SANBR: variants seen among roughly 807,000 people sequenced by gnomAD.
SANBR encodes the protein SANT and BTB domain regulator of CSR, also known as SANT and BTB domain regulator of class switch recombination.
In SANBR, 77 loss-of-function variants were observed where a neutral mutation model predicts 101.8. The observed-to-expected ratio is 0.76, with a 90% CI of 0.63 to 0.91. The LOEUF (loss-of-function observed/expected upper bound fraction) is 0.91, where lower values mean the gene tolerates loss of function less well. Ranked by LOEUF, SANBR falls within the 40% of genes least tolerant of loss-of-function variation. The pLI is 0.00. For missense variants in SANBR, 875 were observed against 853.0 expected (o/e 1.03, Z -0.32); for synonymous variants, 279 against 274.7 (o/e 1.02, Z -0.15).
intron 12 of SANBR, among the ~76,000 whole-genome samples, chr2:61,102,677 C>CA (rs1431932597): frequency 1.3e-5 from 2 of 151,876 alleles, no homozygotes; most frequent in Non-Finnish European, 2.9e-5. Context: ...AGCTGGATTA[C>CA]AGGTGCGTGC....
At chr2:61,111,104 C>T (rs968435579) in intron 16 of SANBR, among the ~76,000 whole-genome samples, 1 of 151,988 alleles carries the variant, frequency 6.6e-6, no homozygotes, top group Non-Finnish European at 1.5e-5. Flanking sequence ...ATTGAAAAAA[C>T]ATGCTGCAGC....
At chr2:61,117,994 T>C (rs1684155843) in intron 19 of SANBR, 34 bp from the exon 20 acceptor site, 1 of 1,518,742 alleles carries the variant, frequency 6.6e-7, no homozygotes, top group South Asian at 1.2e-5. Flanking sequence ...ATCATCCTTA[T>C]GAAAAGTAAA....
intron 12 of SANBR, among the ~76,000 whole-genome samples, chr2:61,101,626 G>A (rs569964480): frequency 7.6e-4 from 115 of 152,148 alleles, no homozygotes; most frequent in African/African-American, 2.6e-3. Context: ...CCAGCTACTC[G>A]GGAGGCTGAG....
chr2:61,070,695 T>C (rs1681415181), intron 3 of SANBR, among the ~76,000 whole-genome samples, 195 bp downstream of exon 3: 1 of 147,374 alleles, frequency 6.8e-6, no homozygotes. Flanking sequence ...TATATAAATT[T>C]TATATATTAT....
At chr2:61,117,594 G>A (rs932879289) in intron 19 of SANBR, 54 bp downstream of exon 19, 13 of 1,439,324 alleles carry the variant, frequency 9.0e-6, no homozygotes, top group Non-Finnish European at 1.3e-5. Context: ...GCAATGATTG[G>A]TGTGTGTTTC....
intron 4 of SANBR, 65 bp downstream of exon 4, chr2:61,071,857 C>A: frequency 2.1e-6 from 2 of 973,198 alleles, no homozygotes; most frequent in Non-Finnish European, 3.1e-6. Context: ...TTATATATTC[C>A]AATCAACTTT....
At chr2:61,076,716 C>T (rs973124801) in intron 5 of SANBR, among the ~76,000 whole-genome samples, 3 of 151,726 alleles carry the variant, frequency 2.0e-5, no homozygotes, top group Non-Finnish European at 2.9e-5. Context: ...TGTTTTATTA[C>T]GTCAGTAATT....
At chr2:61,084,858 A>G (rs1375248254) in intron 8 of SANBR, among the ~76,000 whole-genome samples, 1 of 152,174 alleles carries the variant, frequency 6.6e-6, no homozygotes, top group Non-Finnish European at 1.5e-5. Flanking sequence ...TAGAGCTGGA[A>G]AGAAGTAGAT....
At chr2:61,067,431 C>G (rs562362548) in intron 1 of SANBR, among the ~76,000 whole-genome samples, 1 of 152,248 alleles carries the variant, frequency 6.6e-6, no homozygotes, top group South Asian at 2.1e-4. Context: ...TACCAAGGCC[C>G]AAACAAATTA....
In SANBR at chr2:61,085,699, C is replaced by T. The variant is rs535351270; in HGVS notation, c.890+2385C>T. ...CCAATTTTTATATTTTTAGTAGAGA[C>T]GGGGTTTCACCATGCTGGCCAGGCT... is the stretch of plus-strand genomic sequence containing the variant. On this transcript the variant is annotated intron_variant, in intron 8 of 21. Transcript: ENST00000402291. 4.0e-5 allele frequency among the ~76,000 whole-genome samples: 6 copies of T among 151,862 alleles called. No individual in the cohort carries two copies. In the South Asian group the frequency reaches 1.3e-3, roughly 32 times the overall value.
At chr2:61,136,709 T>C (rs1049685170) in intron 21 of SANBR, among the ~76,000 whole-genome samples, 7 of 138,750 alleles carry the variant, frequency 5.0e-5, no homozygotes, top group African/African-American at 1.4e-4. Flanking sequence ...TGGGGGCTCA[T>C]GCCTGTAATC....
chr2:61,136,370 C>T (rs1684848739), intron 21 of SANBR, among the ~76,000 whole-genome samples: 1 of 151,544 alleles, frequency 6.6e-6, no homozygotes, highest in Admixed American at 6.6e-5. Context: ...CGCAGTGGCT[C>T]ACGCCTGTAA....
intron 16 of SANBR, among the ~76,000 whole-genome samples, chr2:61,113,888 G>A (rs1315212192): frequency 6.6e-6 from 1 of 152,144 alleles, no homozygotes; most frequent in Non-Finnish European, 1.5e-5. Context: ...TCCCATAAAT[G>A]TCCTTTCTCA....
At position 61,103,942 on chromosome 2, in the gene SANBR, C is replaced by T. The variant is rs147230498; in HGVS notation, c.1455C>T (p.Asp485=). 31 of 1,613,994 alleles carry T rather than the reference C, an allele frequency of 1.9e-5. No individual in the cohort carries two copies. Among genetic ancestry groups the T allele is most frequent in the Middle Eastern group, 1.6e-4 (1 of 6,084 alleles). ...CCTGTCCCACTGCTAGAATGTTGGA[C>T]GATTTGCACAAGTACAGAGATGTCA... is the stretch of plus-strand genomic sequence containing the variant. ...LPSCPTARML[D]DLHKYRDVIV... The change falls in exon 13 of 22, where the codon GAC becomes GAT. Residue 485 remains aspartate, a synonymous_variant. Coordinates refer to ENST00000402291, the MANE Select transcript of SANBR (RefSeq NM_001129993.3).
At chr2:61,080,613 C>T (rs1483227878) in intron 6 of SANBR, among the ~76,000 whole-genome samples, 1 of 151,850 alleles carries the variant, frequency 6.6e-6, no homozygotes, top group Non-Finnish European at 1.5e-5. Flanking sequence ...CCCAGCTACT[C>T]AGGAGGCTAA....
intron 13 of SANBR, among the ~76,000 whole-genome samples, chr2:61,105,779 G>C (rs904496781): frequency 6.6e-6 from 1 of 151,808 alleles, no homozygotes; most frequent in Non-Finnish European, 1.5e-5. Context: ...TCAAGCAATT[G>C]CCCTGCCTCA....
At chr2:61,070,147 A>G (rs1681384947) in intron 2 of SANBR, among the ~76,000 whole-genome samples, 195 bp from the exon 3 acceptor site, 1 of 152,170 alleles carries the variant, frequency 6.6e-6, no homozygotes, top group Non-Finnish European at 1.5e-5. Context: ...TTATACATCC[A>G]TTTATCAATG....
At chr2:61,073,699 C>T (rs1055142728) in intron 5 of SANBR, 148 bp downstream of exon 5, 8 of 406,010 alleles carry the variant, frequency 2.0e-5, no homozygotes, top group East Asian at 1.5e-4. Context: ...TTGAACTGAC[C>T]GAAACATGAC....
chr2:61,116,004 C>A lies in SANBR; in HGVS notation c.1770C>A (p.Phe590Leu). 6.2e-7 allele frequency: 1 copy of A among 1,612,132 alleles called. No individual in the cohort carries two copies. Among genetic ancestry groups the A allele is most frequent in the Non-Finnish European group, 8.5e-7 (1 of 1,179,246 alleles). Residue 590 changes from phenylalanine (F) to leucine (L), a missense_variant, in exon 17 of 22, where the codon TTC becomes TTA. Physicochemically the swap from Phe to Leu is conservative, Grantham distance 22. Coordinates refer to ENST00000402291, the MANE Select transcript of SANBR (RefSeq NM_001129993.3). ...KQRKKEKPKK[F>L]TRQPKKQVSS... The stretch of plus-strand genomic sequence containing the variant: ...GGAAAAAGGAGAAGCCAAAGAAGTT[C>A]ACTAGACAACCAAAAAAGCAGGTAT...
Sources: allele counts gnomAD v4.1 joint callset (sites outside exome capture counted in the v4.1 genomes callset), GRCh38; gene constraint gnomAD v4.1.1; transcripts MANE v1.5; gene names NCBI Gene and HGNC (gene_info 2026-07-23, HGNC 2026-07-21).